EXTL3: variants seen among roughly 807,000 people sequenced by gnomAD.
EXTL3 encodes exostosin like glycosyltransferase 3.
EXTL3 carries 27 observed loss-of-function variants against 69.3 expected under a neutral mutation model. The ratio of observed to expected loss-of-function variants is 0.39; its 90% confidence interval spans 0.29 to 0.54. The LOEUF (loss-of-function observed/expected upper bound fraction) is 0.54. Among genes scored for constraint, EXTL3 ranks in the 20% least tolerant of loss-of-function variants. The pLI is 0.69. For missense variants in EXTL3, 1,003 were observed against 1,231.8 expected, an observed-to-expected ratio of 0.81 and a Z score of 2.78; for synonymous variants, 511 against 499.4, an observed-to-expected ratio of 1.02 and a Z score of -0.31.
At chr8:28,694,009 G>T (rs1301658991) in intron 1 of EXTL3, among the ~76,000 whole-genome samples, 6 of 152,182 alleles carry the variant, frequency 3.9e-5, no homozygotes, top group Admixed American at 3.9e-4. Flanking sequence ...GATTGCTGGG[G>T]GTCACCAATG....
At chr8:28,731,876 T>C (rs1458425366) in intron 4 of EXTL3, among the ~76,000 whole-genome samples, 1 of 151,276 alleles carries the variant, frequency 6.6e-6, no homozygotes, top group Non-Finnish European at 1.5e-5. Context: ...GAAAAGGAGG[T>C]GGTGGTAATG....
chr8:28,690,300 C>T (rs1165807639), intron 1 of EXTL3, among the ~76,000 whole-genome samples: 1 of 152,024 alleles, frequency 6.6e-6, no homozygotes, highest in Admixed American at 6.6e-5. Flanking sequence ...GCAACCTCTG[C>T]CTCTCAGGTT....
rs369285182 is a variant in EXTL3 at position 28,754,060 on chromosome 8, G to GTGTGTGTGTATA, written c.*3195_*3196insGTGTGTGTATAT. 6.6e-6 allele frequency: 1 copy of GTGTGTGTGTATA among 152,460 alleles called. No individual in the cohort carries two copies. 9.4% of individuals were successfully genotyped at this position (152,460 alleles called of 1,614,324 possible). The stretch of plus-strand genomic sequence containing the variant: ...TGTGTGTGTGTGTGTGTGTGTGTGT[G>GTGTGTGTGTATA]TAGTGGTTGTGGGGAGCTGTGTGTG... On this transcript the variant is annotated 3_prime_UTR_variant, in exon 7 of 7. Transcript: ENST00000220562.
upstream of EXTL3, among the ~76,000 whole-genome samples, chr8:28,617,873 T>C (rs1392085171): frequency 3.3e-5 from 5 of 152,116 alleles, no homozygotes; most frequent in African/African-American, 1.2e-4. Flanking sequence ...AATACTATAC[T>C]GAAAGAAGCC....
In EXTL3 at chr8:28,678,515, T is replaced by G. The variant is rs76827505; in HGVS notation, c.-52-34942T>G. ...GCACCCCTCTCCCCTCTCTCTTTGC[T>G]TTTTCTCTCTCCATGTGATCTCTGC... On this transcript the variant is annotated intron_variant, in intron 1 of 6. Coordinates refer to the EXTL3 transcript ENST00000523149. Among the ~76,000 whole-genome samples the G allele has an allele frequency of 6.2e-3, 939 of 152,176 alleles. 13 individuals are homozygous for G. The highest frequency in any genetic ancestry group is 0.022 in the African/African-American group (908 of 41,510).
intron 1 of EXTL3, among the ~76,000 whole-genome samples, chr8:28,643,389 C>T (rs931859381): frequency 1.3e-5 from 2 of 151,794 alleles, no homozygotes; most frequent in Non-Finnish European, 2.9e-5. Flanking sequence ...GAATTTTGAA[C>T]CTATCATTCT....
At chr8:28,672,308 C>T (rs558945647) in intron 1 of EXTL3, among the ~76,000 whole-genome samples, 49 of 150,422 alleles carry the variant, frequency 3.3e-4, no homozygotes, top group African/African-American at 1.2e-3. Flanking sequence ...GTCCCAGCTA[C>T]TCGGGAGGCT....
chr8:28,716,083 G>A lies in EXTL3; in HGVS notation c.24G>A (p.Arg8=). 6.2e-7 allele frequency: 1 copy of A among 1,610,200 alleles called. No individual in the cohort carries two copies. Residue 8 remains arginine, a synonymous_variant, in exon 3 of 7, where the codon CGG becomes CGA. Coordinates refer to ENST00000220562, the MANE Select transcript of EXTL3 (RefSeq NM_001440.4). This position sits in a 1 kb window ranked among gnomAD's most constrained non-coding sequence, Gnocchi z 7.1. ...TCATGACAGGCTATACCATGCTGCG[G>A]AATGGGGGCGCGGGGAACGGAGGTC... The part of the protein sequence containing the change: MTGYTML[R]NGGAGNGGQT...
chr8:28,733,126 A>C (rs1236110324), intron 4 of EXTL3, among the ~76,000 whole-genome samples: 1 of 152,114 alleles, frequency 6.6e-6, no homozygotes, highest in East Asian at 1.9e-4. Context: ...CTTCATGCGC[A>C]AGTTTTTGTA....
intron 6 of EXTL3, among the ~76,000 whole-genome samples, chr8:28,749,623 TTTCA>T (rs139624117): frequency 0.073 from 10,949 of 150,552 alleles, 502 homozygotes; most frequent in African/African-American, 0.13. Context: ...CCTCTGAGGA[TTTCA>T]TTCATTCATT....
intron 1 of EXTL3, among the ~76,000 whole-genome samples, chr8:28,687,422 C>A (rs1807595345): frequency 6.6e-6 from 1 of 152,094 alleles, no homozygotes; most frequent in Non-Finnish European, 1.5e-5. Context: ...GCCGAGATCA[C>A]ACCACTGCAC....
At chr8:28,678,500 C>G (rs1807425483) in intron 1 of EXTL3, among the ~76,000 whole-genome samples, 1 of 152,070 alleles carries the variant, frequency 6.6e-6, no homozygotes, top group African/African-American at 2.4e-5. Flanking sequence ...GCACCCCTCT[C>G]CCCTCTCTCT....
At position 28,623,931 on chromosome 8, in the gene EXTL3, T is replaced by C. The variant is rs1407499330; in HGVS notation, c.-53+1121T>C. On this transcript the variant is annotated intron_variant, in intron 1 of 6. Transcript: ENST00000523149. The surrounding 1 kb of genome is among the most constrained non-coding windows in gnomAD (Gnocchi z 4.2). ...TGAGAAGGTTGAACTATTAATATTA[T>C]ATTTATTGTTCATTCCAAGTCTAAA... 2.0e-5 allele frequency among the ~76,000 whole-genome samples: 3 copies of C among 152,210 alleles called. No homozygotes were observed. The highest frequency in any genetic ancestry group is 6.5e-5 in the Admixed American group (1 of 15,282).
chr8:28,619,704 T>C (rs1806381094), upstream of EXTL3, among the ~76,000 whole-genome samples: 1 of 152,122 alleles, frequency 6.6e-6, no homozygotes, highest in South Asian at 2.1e-4. Context: ...CCTTGTTCAG[T>C]GACCTCATGT....
At chr8:28,638,651 G>A (rs771114612) in intron 1 of EXTL3, among the ~76,000 whole-genome samples, 1 of 152,138 alleles carries the variant, frequency 6.6e-6, no homozygotes, top group Non-Finnish European at 1.5e-5. Flanking sequence ...TGTTTTTTGA[G>A]ACGGAGTTTT....
In EXTL3 at chr8:28,617,206, C is replaced by A. The variant is rs149768489; in HGVS notation, n.314+9448C>A. 3.7e-4 allele frequency among the ~76,000 whole-genome samples: 57 copies of A among 152,260 alleles called. No homozygotes were observed. In the East Asian group the frequency reaches 9.7e-3, roughly 26 times the overall value. On this transcript the variant is annotated intron_variant and non_coding_transcript_variant, in intron 2 of 4. Transcript: ENST00000522725. Reference sequence around the variant, plus strand: ...GTCATACCTGTTGCTACCAACACCCCGTTCCGAGAAGGCAAGGACACAGAA... The same window carrying A: ...GTCATACCTGTTGCTACCAACACCCAGTTCCGAGAAGGCAAGGACACAGAA...
chr8:28,686,280 G>A (rs940789633), intron 1 of EXTL3, among the ~76,000 whole-genome samples: 1 of 151,358 alleles, frequency 6.6e-6, no homozygotes, highest in Non-Finnish European at 1.5e-5. Flanking sequence ...GATCACTTGA[G>A]CCCAGGAGTT....
At chr8:28,626,965 G>A (rs567354682) in intron 1 of EXTL3, among the ~76,000 whole-genome samples, 106 of 151,572 alleles carry the variant, frequency 7.0e-4, no homozygotes, top group South Asian at 3.3e-3. Flanking sequence ...GGCAGATCAC[G>A]AGGTCAGGAG....
intron 1 of EXTL3, among the ~76,000 whole-genome samples, chr8:28,626,480 C>T (rs769831817): frequency 1.3e-5 from 2 of 152,118 alleles, no homozygotes; most frequent in Non-Finnish European, 2.9e-5. Flanking sequence ...GTTGGTGGAA[C>T]GTGTGGCCAA....
Sources: gnomAD v4.1 joint callset for allele counts (sites outside exome capture counted in the v4.1 genomes callset) on GRCh38, gnomAD v4.1.1 for gene constraint, Gnocchi (gnomAD v3.1) non-coding constraint, MANE v1.5 for transcripts, NCBI Gene and HGNC (gene_info 2026-07-23, HGNC 2026-07-21) for gene names.